The following LRRC4C variants were observed in gnomAD, a reference collection of about 807,000 sequenced individuals.
LRRC4C encodes the protein leucine rich repeat containing 4C.
A neutral mutation model predicts 33.6 loss-of-function variants in LRRC4C; 5 were observed. The observed-to-expected ratio is 0.15, with a 90% CI of 0.08 to 0.31. LRRC4C has a LOEUF of 0.31. Among genes scored for constraint, LRRC4C ranks in the 10% least tolerant of loss-of-function variants. The pLI is 1.00. For synonymous variants in LRRC4C, 329 were observed against 302.0 expected (o/e 1.09, Z -0.93); for missense variants, 560 against 796.7 (o/e 0.70, Z 3.58).
At chr11:41,136,808 A>G (rs1943282444) in intron 1 of LRRC4C, among the ~76,000 whole-genome samples, 1 of 152,110 alleles carries the variant, frequency 6.6e-6, no homozygotes, top group Admixed American at 6.5e-5. Context: ...AAGAATTTGC[A>G]CTTAGCCACT....
intron 2 of LRRC4C, among the ~76,000 whole-genome samples, chr11:40,650,223 G>A (rs753703267): frequency 1.3e-5 from 2 of 152,094 alleles, no homozygotes; most frequent in African/African-American, 4.8e-5. Flanking sequence ...CCTGCAATAG[G>A]CCCCAGTAGA....
chr11:40,423,050 A>G (rs1188529831), intron 3 of LRRC4C, among the ~76,000 whole-genome samples: 1 of 152,132 alleles, frequency 6.6e-6, no homozygotes, highest in African/African-American at 2.4e-5. Flanking sequence ...TGCTTGGCGG[A>G]AGTGATATAT....
chr11:40,300,960 G>A (rs1944745652), intron 4 of LRRC4C, among the ~76,000 whole-genome samples: 1 of 152,158 alleles, frequency 6.6e-6, no homozygotes, highest in Non-Finnish European at 1.5e-5. Flanking sequence ...ACTGTACCAG[G>A]CTCTCTGGAA....
chr11:40,811,973 A>C (rs891404537), intron 2 of LRRC4C, among the ~76,000 whole-genome samples: 4 of 152,202 alleles, frequency 2.6e-5, no homozygotes, highest in African/African-American at 9.7e-5. Context: ...GAATGCAGCC[A>C]TTATTATTAA....
chr11:40,631,264 G>A (rs1963457197), intron 3 of LRRC4C, among the ~76,000 whole-genome samples: 1 of 152,174 alleles, frequency 6.6e-6, no homozygotes. Context: ...TGTGTGCTGA[G>A]TGTTGGCTGA....
rs776063397 is a variant in LRRC4C at position 40,127,111 on chromosome 11, T to C, written c.-42-10777A>G. On this transcript the variant is annotated intron_variant, in intron 6 of 6. Transcript: ENST00000528697. Reference sequence around the variant, plus strand: ...GGTGAACATGGTGAAACCCCGTCTCTACTAAAAATACAAAAAGTAGCTGGG... The same window carrying C: ...GGTGAACATGGTGAAACCCCGTCTCCACTAAAAATACAAAAAGTAGCTGGG... Among the ~76,000 whole-genome samples the C allele has an allele frequency of 1.6e-4, 24 of 151,562 alleles. 1 individual carries two copies. Among genetic ancestry groups the C allele is most frequent in the Non-Finnish European group, 7.4e-5 (5 of 67,962 alleles).
chr11:40,964,460 G>A (rs1346548597), intron 1 of LRRC4C, among the ~76,000 whole-genome samples: 2 of 151,490 alleles, frequency 1.3e-5, no homozygotes, highest in African/African-American at 2.4e-5. Context: ...ATGTTGGTGT[G>A]CTGCACCCAT....
intron 3 of LRRC4C, among the ~76,000 whole-genome samples, chr11:40,509,165 T>C (rs1362013039): frequency 6.6e-6 from 1 of 152,064 alleles, no homozygotes. Context: ...CAATAGGAGA[T>C]TGGTTAATTA....
At chr11:41,163,297 T>TTTTTTTTC (rs1182681536) in intron 1 of LRRC4C, among the ~76,000 whole-genome samples, 2 of 131,420 alleles carry the variant, frequency 1.5e-5, no homozygotes, top group African/African-American at 5.6e-5. Context: ...TTTTTTTTTT[T>TTTTTTTTC]TTTTCAAACA....
chr11:40,415,002 T>C (rs1287428380), intron 3 of LRRC4C, among the ~76,000 whole-genome samples: 1 of 152,154 alleles, frequency 6.6e-6, no homozygotes, highest in African/African-American at 2.4e-5. Flanking sequence ...AAGACACTTT[T>C]TGAAACTCTG....
At chr11:40,866,700 A>T (rs904719405) in intron 2 of LRRC4C, among the ~76,000 whole-genome samples, 2 of 152,044 alleles carry the variant, frequency 1.3e-5, no homozygotes, top group African/African-American at 4.8e-5. Flanking sequence ...TTGTGTGATG[A>T]CATTTGACTT....
In LRRC4C at chr11:40,503,969, G is replaced by A. The variant is rs192091533; in HGVS notation, c.-270+144173C>T. 1.6e-3 allele frequency among the ~76,000 whole-genome samples: 236 copies of A among 152,152 alleles called. 2 individuals are homozygous for A. Among genetic ancestry groups the A allele is most frequent in the Middle Eastern group, 3.4e-3 (1 of 294 alleles). ...CCAGAGATTGGCAGTAAACCATGGCGTTTTGAAGAGAAAAAAAGAGACATG... is the reference window on the plus strand; with the variant it reads ...CCAGAGATTGGCAGTAAACCATGGCATTTTGAAGAGAAAAAAAGAGACATG... On this transcript the variant is annotated intron_variant, in intron 3 of 6. Coordinates refer to ENST00000528697, the MANE Select transcript of LRRC4C (RefSeq NM_001258419.2).
chr11:41,196,038 T>G (rs1026527869), intron 1 of LRRC4C, among the ~76,000 whole-genome samples: 1 of 152,140 alleles, frequency 6.6e-6, no homozygotes, highest in Non-Finnish European at 1.5e-5. Flanking sequence ...TTTTAAAGTT[T>G]GTTGCTTTCT....
chr11:40,470,112 C>T (rs912956798), intron 3 of LRRC4C, among the ~76,000 whole-genome samples: 2 of 152,190 alleles, frequency 1.3e-5, no homozygotes, highest in Non-Finnish European at 2.9e-5. Flanking sequence ...CAGGGGTCGA[C>T]AGACACCTCA....
At chr11:40,579,272 G>T (rs1958356977) in intron 3 of LRRC4C, among the ~76,000 whole-genome samples, 1 of 151,714 alleles carries the variant, frequency 6.6e-6, no homozygotes, top group Non-Finnish European at 1.5e-5. Flanking sequence ...GGCAGAGGTT[G>T]CAGTGAGCTG....
intron 1 of LRRC4C, among the ~76,000 whole-genome samples, chr11:41,325,577 T>TGTGTGTG (rs1555147354): frequency 1.5e-3 from 153 of 104,154 alleles, no homozygotes; most frequent in African/African-American, 4.6e-3. Context: ...TTTTTTTTTT[T>TGTGTGTG]TGTGTGTGTG....
intron 1 of LRRC4C, among the ~76,000 whole-genome samples, chr11:41,204,946 T>A (rs1446233573): frequency 6.6e-6 from 1 of 152,030 alleles, no homozygotes; most frequent in Non-Finnish European, 1.5e-5. Flanking sequence ...CCACTTTAGA[T>A]GAGATAGTAA....
At position 40,189,880 on chromosome 11, in the gene LRRC4C, C is replaced by T. The variant is rs549597937; in HGVS notation, c.-95-49027G>A. Among the ~76,000 whole-genome samples the T allele has an allele frequency of 5.3e-5, 8 of 152,290 alleles. No homozygotes were observed. The South Asian group carries it at 1.7e-3, about 32-fold the overall frequency. ...TTAAACATACATGCTATCTAAAATGCACCATGTTGTCAATATTATTTATAA... is the reference window on the plus strand; with the variant it reads ...TTAAACATACATGCTATCTAAAATGTACCATGTTGTCAATATTATTTATAA... On this transcript the variant is annotated intron_variant, in intron 5 of 6. Transcript: ENST00000528697.
chr11:40,632,901 G>A (rs1195974554), intron 3 of LRRC4C, among the ~76,000 whole-genome samples: 1 of 152,134 alleles, frequency 6.6e-6, no homozygotes, highest in Non-Finnish European at 1.5e-5. Flanking sequence ...GGTAACAAAT[G>A]TTATGCAGCA....
Sources: allele counts gnomAD v4.1 joint callset (sites outside exome capture counted in the v4.1 genomes callset), GRCh38; gene constraint gnomAD v4.1.1; transcripts MANE v1.5; gene names NCBI Gene and HGNC (gene_info 2026-07-23, HGNC 2026-07-21).